Variants in STXBP6 observed in about 807,000 individuals in gnomAD.
STXBP6 encodes the protein syntaxin binding protein 6, also known as syntaxin-binding protein 6.
Under a neutral mutation model 26.9 loss-of-function variants are expected in STXBP6, and 21 were observed. The observed-to-expected ratio is 0.78, with a 90% CI of 0.55 to 1.12. STXBP6 has a LOEUF of 1.12. Ranked by LOEUF, STXBP6 falls within the 50% of genes most tolerant of loss-of-function variation. The pLI is 0.00. For missense variants in STXBP6, 232 were observed against 257.9 expected, an observed-to-expected ratio of 0.90 and a Z score of 0.69; for synonymous variants, 97 against 92.6, an observed-to-expected ratio of 1.05 and a Z score of -0.27.
intron 2 of STXBP6, among the ~76,000 whole-genome samples, chr14:24,936,449 A>C (rs2072601254): frequency 6.6e-6 from 1 of 152,216 alleles, no homozygotes; most frequent in African/African-American, 2.4e-5. Flanking sequence ...CATAGGAAGA[A>C]TGTGAAGAAA....
At position 24,810,457 on chromosome 14, in the gene STXBP6, C is replaced by T. The variant is rs1774498588; in HGVS notation, c.*2252G>A. 1 of 152,150 alleles carries T rather than the reference C, an allele frequency of 6.6e-6. No individual in the cohort carries two copies. The highest frequency in any genetic ancestry group is 2.4e-5 in the African/African-American group (1 of 41,412). 9.4% of individuals were successfully genotyped at this position (152,150 alleles called of 1,614,324 possible). The stretch of plus-strand genomic sequence containing the variant: ...GGGAGGCCTAGGTAGGACTTTGACA[C>T]TGAGAGGTCAAAGGTATGAACGCAG... On this transcript the variant is annotated 3_prime_UTR_variant, in exon 6 of 6. Transcript: ENST00000323944.
At chr14:24,930,802 C>T (rs28544091) in intron 2 of STXBP6, among the ~76,000 whole-genome samples, 36,722 of 151,820 alleles carry the variant, frequency 0.24, 4,676 homozygotes, top group African/African-American at 0.32. Flanking sequence ...TCTAAGCAAA[C>T]TATTGCAAGG....
At chr14:24,992,806 C>A (rs1439509118) in intron 1 of STXBP6, among the ~76,000 whole-genome samples, 1 of 152,156 alleles carries the variant, frequency 6.6e-6, no homozygotes, top group Non-Finnish European at 1.5e-5. Flanking sequence ...GAGAATCAAC[C>A]ATAAGTAACT....
At chr14:25,036,015 C>A (rs889201652) in intron 1 of STXBP6, among the ~76,000 whole-genome samples, 2 of 151,646 alleles carry the variant, frequency 1.3e-5, no homozygotes, top group African/African-American at 2.4e-5. Context: ...GTCAGGGGTT[C>A]GAGACCAGCC....
At chr14:24,928,798 T>C (rs2072275556) in intron 2 of STXBP6, among the ~76,000 whole-genome samples, 1 of 152,174 alleles carries the variant, frequency 6.6e-6, no homozygotes, top group South Asian at 2.1e-4. Flanking sequence ...CCTCAGAATA[T>C]AAATATTGCT....
intron 1 of STXBP6, among the ~76,000 whole-genome samples, chr14:24,989,243 G>A (rs974307778): frequency 5.9e-5 from 9 of 152,140 alleles, no homozygotes; most frequent in African/African-American, 1.9e-4. Flanking sequence ...TAACTGGCCT[G>A]TTTACTAATT....
chr14:24,963,421 A>G (rs1352544729), intron 2 of STXBP6, among the ~76,000 whole-genome samples: 1 of 152,234 alleles, frequency 6.6e-6, no homozygotes, highest in African/African-American at 2.4e-5. Flanking sequence ...TTAAACTGAT[A>G]AAAACGTCAA....
intron 2 of STXBP6, among the ~76,000 whole-genome samples, chr14:24,888,489 C>T (rs779383076): frequency 1.3e-5 from 2 of 152,014 alleles, no homozygotes; most frequent in South Asian, 2.1e-4. Flanking sequence ...TTTGGGAGGC[C>T]GAGGTGGGCA....
chr14:24,957,658 C>T (rs1239623429), intron 2 of STXBP6, among the ~76,000 whole-genome samples: 2 of 152,228 alleles, frequency 1.3e-5, no homozygotes. Flanking sequence ...GTTTAATATA[C>T]ATTTTCTCCC....
intron 2 of STXBP6, among the ~76,000 whole-genome samples, chr14:24,914,804 G>A (rs1445192261): frequency 6.6e-6 from 1 of 152,168 alleles, no homozygotes; most frequent in African/African-American, 2.4e-5. Context: ...CAAGATTTAT[G>A]AGCTTGCTTG....
intron 1 of STXBP6, among the ~76,000 whole-genome samples, chr14:25,005,824 A>C (rs975823457): frequency 1.3e-5 from 2 of 152,148 alleles, no homozygotes; most frequent in Non-Finnish European, 2.9e-5. Context: ...AAAAAAGCTA[A>C]ATAACTGAAA....
intron 2 of STXBP6, among the ~76,000 whole-genome samples, chr14:24,868,550 T>C (rs1199266942): frequency 6.6e-6 from 1 of 152,112 alleles, no homozygotes; most frequent in Non-Finnish European, 1.5e-5. Context: ...CTGTGGTATA[T>C]CTATACATGG....
intron 1 of STXBP6, among the ~76,000 whole-genome samples, chr14:25,009,424 T>A (rs563853268): frequency 1.3e-5 from 2 of 152,312 alleles, no homozygotes; most frequent in East Asian, 3.9e-4. Context: ...TTATACAAAT[T>A]ATACAAAACT....
chr14:24,883,674 C>A (rs1242036989), intron 2 of STXBP6, among the ~76,000 whole-genome samples: 1 of 151,588 alleles, frequency 6.6e-6, no homozygotes. Flanking sequence ...CTATTTATTA[C>A]AAAAAAAATG....
At chr14:24,910,893 G>A (rs1276758454) in intron 2 of STXBP6, among the ~76,000 whole-genome samples, 1 of 152,194 alleles carries the variant, frequency 6.6e-6, no homozygotes, top group African/African-American at 2.4e-5. Context: ...CACTTGTGAG[G>A]AGAAAAGAAG....
intron 2 of STXBP6, among the ~76,000 whole-genome samples, chr14:24,888,973 C>T (rs2070691591): frequency 6.6e-6 from 1 of 152,086 alleles, no homozygotes; most frequent in South Asian, 2.1e-4. Context: ...ACCCTGGCAG[C>T]CAGACCATAC....
chr14:24,907,384 T>C (rs2071420009), intron 2 of STXBP6, among the ~76,000 whole-genome samples: 1 of 152,140 alleles, frequency 6.6e-6, no homozygotes, highest in African/African-American at 2.4e-5. Context: ...ATTGCTTCCA[T>C]TATAATGTAC....
intron 4 of STXBP6, among the ~76,000 whole-genome samples, chr14:24,853,785 G>T (rs144024347): frequency 2.6e-3 from 392 of 152,068 alleles, no homozygotes; most frequent in Non-Finnish European, 4.6e-3. Context: ...ATTTAACACT[G>T]GACATATGTG....
intron 4 of STXBP6, among the ~76,000 whole-genome samples, chr14:24,833,481 C>T (rs185478124): frequency 1.1e-3 from 172 of 152,224 alleles, no homozygotes; most frequent in African/African-American, 3.7e-3. Context: ...CCAGGCAAAA[C>T]GTGTACAAAT....
Sources: gnomAD v4.1 joint callset for allele counts (sites outside exome capture counted in the v4.1 genomes callset) on GRCh38, gnomAD v4.1.1 for gene constraint, MANE v1.5 for transcripts, NCBI Gene and HGNC (gene_info 2026-07-23, HGNC 2026-07-21) for gene names.